Variants in SEC24A observed in about 807,000 individuals in gnomAD.
The protein encoded by SEC24A is SEC24 homolog A, COPII component.
Under a neutral mutation model 129.4 loss-of-function variants are expected in SEC24A, and 93 were observed. The ratio of observed to expected loss-of-function variants is 0.72; its 90% CI spans 0.61 to 0.85. SEC24A has a LOEUF of 0.85. Ranked by LOEUF, SEC24A falls within the 40% of genes least tolerant of loss-of-function variation. SEC24A has a pLI of 0.00. For synonymous variants in SEC24A, 460 were observed against 467.3 expected (o/e 0.98, Z 0.20); for missense variants, 1,264 against 1,307.4 (o/e 0.97, Z 0.51).
intron 7 of SEC24A, among the ~76,000 whole-genome samples, chr5:134,678,324 C>G (rs112097800): frequency 1.3e-5 from 2 of 152,208 alleles, no homozygotes; most frequent in African/African-American, 4.8e-5. Flanking sequence ...AATGTAACAT[C>G]AACAAACTTT....
At chr5:134,685,696 A>T (rs977850758) in intron 9 of SEC24A, among the ~76,000 whole-genome samples, 1 of 152,086 alleles carries the variant, frequency 6.6e-6, no homozygotes, top group Middle Eastern at 3.2e-3. Context: ...TTTAAAATAC[A>T]GTCTTGGCCA....
chr5:134,722,876 A>T (rs891729843), intron 21 of SEC24A, among the ~76,000 whole-genome samples: 3 of 151,882 alleles, frequency 2.0e-5, no homozygotes, highest in Non-Finnish European at 4.4e-5. Context: ...ATTCAAGACC[A>T]GGCATGGTGG....
intron 1 of SEC24A, among the ~76,000 whole-genome samples, chr5:134,649,592 C>G (rs1210113784): frequency 6.6e-6 from 1 of 152,118 alleles, no homozygotes; most frequent in Non-Finnish European, 1.5e-5. Context: ...CGTACTCAGT[C>G]TGAGTTTCTG....
chr5:134,708,254 G>C (rs933336675), intron 17 of SEC24A, among the ~76,000 whole-genome samples: 3 of 152,186 alleles, frequency 2.0e-5, no homozygotes, highest in African/African-American at 7.2e-5. Context: ...AGGACTGCTT[G>C]AGGCCAGGAG....
At chr5:134,715,851 TAAAAAA>T (rs34876785) in intron 19 of SEC24A, among the ~76,000 whole-genome samples, 2 of 140,560 alleles carry the variant, frequency 1.4e-5, no homozygotes, top group Non-Finnish European at 3.1e-5. Context: ...CTTAAAGTAT[TAAAAAA>T]AAAAAAAAAA....
At chr5:134,719,509 T>G (rs1054648386) in intron 20 of SEC24A, among the ~76,000 whole-genome samples, 3 of 151,604 alleles carry the variant, frequency 2.0e-5, no homozygotes, top group Admixed American at 2.0e-4. Context: ...CTGGGCAATA[T>G]AGCAAAACCC....
Position 134,721,052 on chromosome 5 carries a change from C to G in SEC24A, c.3025C>G (p.Leu1009Val), listed in dbSNP as rs199504295. ...TACACAGAATTTTCTCAGCCAAGTT[C>G]TAGGAGTTCAAAACTATGCATCAAT... Reference protein sequence around the residue: ...NCTQNFLSQVLGVQNYASIPQ... With the variant: ...NCTQNFLSQVVGVQNYASIPQ... The change falls in exon 21 of 23, where the codon CTA (leucine) becomes GTA (valine). Residue 1009 changes from leucine (L) to valine (V), a missense_variant. Transcript: ENST00000398844. 1.7e-5 allele frequency: 27 copies of G among 1,612,560 alleles called. No homozygotes were observed. The African/African-American group carries it at 3.5e-4, about 21-fold the overall frequency.
At chr5:134,706,254 A>G (rs1221671595) in intron 17 of SEC24A, among the ~76,000 whole-genome samples, 2 of 152,224 alleles carry the variant, frequency 1.3e-5, no homozygotes, top group Non-Finnish European at 2.9e-5. Context: ...GCAGTGTACC[A>G]TAAAGATCAT....
intron 1 of SEC24A, among the ~76,000 whole-genome samples, chr5:134,657,021 C>T (rs1435586199): frequency 2.0e-5 from 3 of 151,226 alleles, no homozygotes; most frequent in Non-Finnish European, 4.4e-5. Flanking sequence ...CCCATCTCTA[C>T]AAAAAAATTT....
At chr5:134,696,185 G>A (rs977596566) in intron 13 of SEC24A, among the ~76,000 whole-genome samples, 5 of 151,560 alleles carry the variant, frequency 3.3e-5, no homozygotes, top group East Asian at 3.9e-4. Context: ...CAGGAGAATC[G>A]CTAGAAACCG....
intron 17 of SEC24A, 54 bp downstream of exon 17, chr5:134,705,491 C>T (rs1172876302): frequency 1.0e-5 from 12 of 1,167,990 alleles, no homozygotes; most frequent in Non-Finnish European, 1.5e-5. Context: ...TTAGGCACAT[C>T]CAAACAGTTT....
rs569897284 is a variant in SEC24A, at chr5:134,693,710, T to G, written c.1780-17T>G. 1.9e-6 allele frequency: 3 copies of G among 1,609,142 alleles called. No individual in the cohort carries two copies. In the South Asian group the frequency reaches 3.3e-5, roughly 18 times the overall value. ...TTTTAATTATGACACTTGAGTTTTCTTGCTTTGTTTTACAAGCTCGTGCAA... is the reference window on the plus strand; with the variant it reads ...TTTTAATTATGACACTTGAGTTTTCGTGCTTTGTTTTACAAGCTCGTGCAA... On this transcript the variant is annotated splice_polypyrimidine_tract_variant and intron_variant, in intron 12 of 22. Coordinates refer to ENST00000398844, the MANE Select transcript of SEC24A (RefSeq NM_021982.3).
intron 20 of SEC24A, 35 bp from the exon 21 acceptor site, chr5:134,720,963 G>A: frequency 8.6e-7 from 1 of 1,162,900 alleles, no homozygotes; most frequent in African/African-American, 1.5e-5. Flanking sequence ...CTTTATGTAT[G>A]CTGCATCTCA....
At chr5:134,701,658 G>A (rs530898739) in intron 15 of SEC24A, among the ~76,000 whole-genome samples, 3 of 151,982 alleles carry the variant, frequency 2.0e-5, no homozygotes, top group South Asian at 2.1e-4. Context: ...TTACAGGCAC[G>A]TGCTACCATG....
intron 2 of SEC24A, among the ~76,000 whole-genome samples, chr5:134,664,669 T>G (rs755464595): frequency 6.6e-6 from 1 of 152,142 alleles, no homozygotes; most frequent in African/African-American, 2.4e-5. Flanking sequence ...GCCATAGATA[T>G]GTGTGACCAC....
In SEC24A at chr5:134,703,833, C is replaced by G. The variant is rs1195778008; in HGVS notation, c.2341C>G (p.Pro781Ala). Residue 781 changes from proline (P) to alanine (A), a missense_variant, in exon 16 of 23, where the codon CCA becomes GCA. Physicochemically the swap from Pro to Ala is conservative, Grantham distance 27. Coordinates refer to ENST00000398844, the MANE Select transcript of SEC24A (RefSeq NM_021982.3). ...TDLLSLPNVNPDAGYAVQMSV... is the reference protein window; with the variant it reads ...TDLLSLPNVNADAGYAVQMSV... Reference sequence around the variant, plus strand: ...CTTACTGTCTTTGCCTAACGTCAACCCAGACGCTGGGTATGCAGTACAGAT... The same window carrying G: ...CTTACTGTCTTTGCCTAACGTCAACGCAGACGCTGGGTATGCAGTACAGAT... 6.2e-7 allele frequency: 1 copy of G among 1,613,236 alleles called. No individual in the cohort carries two copies. The highest frequency in any genetic ancestry group is 1.1e-5 in the South Asian group (1 of 91,056).
intron 11 of SEC24A, among the ~76,000 whole-genome samples, chr5:134,688,981 GT>G (rs1751544453): frequency 6.6e-6 from 1 of 152,060 alleles, no homozygotes; most frequent in Non-Finnish European, 1.5e-5. Flanking sequence ...CCCACAGCCA[GT>G]TAAGTGATTT....
chr5:134,656,194 T>C (rs982080079), intron 1 of SEC24A, among the ~76,000 whole-genome samples: 2 of 151,508 alleles, frequency 1.3e-5, no homozygotes, highest in African/African-American at 4.8e-5. Context: ...GCGATTCTCC[T>C]TTCTCAGCCT....
chr5:134,680,553 G>C (rs1010749055), intron 8 of SEC24A, among the ~76,000 whole-genome samples: 1 of 151,986 alleles, frequency 6.6e-6, no homozygotes, highest in African/African-American at 2.4e-5. Context: ...GGCTGGTCTA[G>C]AACTCCTGAC....
Sources: gnomAD v4.1 joint callset for allele counts (sites outside exome capture counted in the v4.1 genomes callset) on GRCh38, gnomAD v4.1.1 for gene constraint, MANE v1.5 for transcripts, NCBI Gene and HGNC (gene_info 2026-07-23, HGNC 2026-07-21) for gene names.